EHBP1: variants seen among roughly 807,000 people sequenced by gnomAD.
EHBP1 encodes the protein EH domain binding protein 1, also known as EH domain-binding protein 1.
A neutral mutation model predicts 144.0 loss-of-function variants in EHBP1; 55 were observed. The ratio of observed to expected loss-of-function variants is 0.38; its 90% CI spans 0.31 to 0.48. EHBP1 has a LOEUF of 0.48. Ranked by LOEUF, EHBP1 falls within the 20% of genes least tolerant of loss-of-function variation. The pLI is 0.98. For synonymous variants in EHBP1, 469 were observed against 472.7 expected (o/e 0.99, Z 0.10); for missense variants, 1,200 against 1,364.2 (o/e 0.88, Z 1.90).
At chr2:62,842,462 C>T (rs1273172682) in intron 7 of EHBP1, among the ~76,000 whole-genome samples, 3 of 152,196 alleles carry the variant, frequency 2.0e-5, no homozygotes, top group Admixed American at 6.5e-5. Context: ...TCCGTAAGCT[C>T]CACCTCCTAA....
intron 1 of EHBP1, among the ~76,000 whole-genome samples, chr2:62,698,021 C>G (rs552880919): frequency 1.3e-5 from 2 of 152,240 alleles, no homozygotes; most frequent in South Asian, 2.1e-4. Context: ...TTATCACTGA[C>G]AAGTCACTGC....
intron 10 of EHBP1, among the ~76,000 whole-genome samples, chr2:62,899,314 C>G (rs1451561352): frequency 6.6e-6 from 1 of 152,084 alleles, no homozygotes; most frequent in Non-Finnish European, 1.5e-5. Flanking sequence ...TGTTAAGGCC[C>G]ATGTGGAGAA....
chr2:62,937,006 T>G (rs2056429890), intron 10 of EHBP1, among the ~76,000 whole-genome samples: 1 of 152,230 alleles, frequency 6.6e-6, no homozygotes, highest in African/African-American at 2.4e-5. Context: ...TAATTAGCTC[T>G]TGTTCTAGTT....
intron 3 of EHBP1, among the ~76,000 whole-genome samples, chr2:62,763,007 C>T (rs1017629504): frequency 2.0e-5 from 3 of 152,094 alleles, no homozygotes; most frequent in East Asian, 1.9e-4. Flanking sequence ...CACTCTGTTC[C>T]AGCCACATTG....
chr2:62,938,948 A>G (rs2056568958), intron 10 of EHBP1, among the ~76,000 whole-genome samples: 1 of 152,212 alleles, frequency 6.6e-6, no homozygotes, highest in Non-Finnish European at 1.5e-5. Context: ...AATAATTGCA[A>G]TTAATATTTA....
chr2:62,879,029 A>T (rs775946475), intron 10 of EHBP1, among the ~76,000 whole-genome samples: 1 of 152,064 alleles, frequency 6.6e-6, no homozygotes, highest in Admixed American at 6.6e-5. Flanking sequence ...AAAAAAAAAA[A>T]AACAAAAAAC....
At chr2:62,938,748 T>C (rs1297730420) in intron 10 of EHBP1, among the ~76,000 whole-genome samples, 1 of 152,076 alleles carries the variant, frequency 6.6e-6, no homozygotes, top group Non-Finnish European at 1.5e-5. Flanking sequence ...GTACCATATT[T>C]TCCACATAGA....
At chr2:62,888,563 T>G (rs1368561396) in intron 10 of EHBP1, among the ~76,000 whole-genome samples, 2 of 152,152 alleles carry the variant, frequency 1.3e-5, no homozygotes, top group South Asian at 2.1e-4. Context: ...TGCCTCCACA[T>G]GGGAAAACAA....
rs186300550 is a variant in EHBP1, at chr2:62,977,909, C to T, written c.2461-1279C>T. 3.3e-5 allele frequency among the ~76,000 whole-genome samples: 5 copies of T among 152,124 alleles called. No individual in the cohort carries two copies. The East Asian group carries it at 9.7e-4, about 29-fold the overall frequency. On this transcript the variant is annotated intron_variant, in intron 14 of 22. Transcript: ENST00000431489. ...GAGGTTTGGTGGATTTAAACTGAAT[C>T]TGGAAGAATGAGTAGAAATTAAATA...
intron 10 of EHBP1, among the ~76,000 whole-genome samples, chr2:62,937,603 G>A (rs997792961): frequency 5.3e-5 from 8 of 152,144 alleles, no homozygotes; most frequent in South Asian, 2.1e-4. Flanking sequence ...AGGAGATTTC[G>A]TGTAAGAGAT....
At chr2:62,861,326 C>T (rs1233113132) in intron 8 of EHBP1, among the ~76,000 whole-genome samples, 11 of 151,324 alleles carry the variant, frequency 7.3e-5, no homozygotes, top group African/African-American at 2.7e-4. Flanking sequence ...GATGAGGTTT[C>T]GCCATGTCGG....
chr2:62,909,532 G>C lies in EHBP1; in HGVS notation c.1186-33186G>C, dbSNP rs1419414474. Among the ~76,000 whole-genome samples, 5 of 152,230 alleles carry C rather than the reference G, an allele frequency of 3.3e-5. No individual in the cohort carries two copies. In the East Asian group the frequency reaches 5.8e-4, roughly 18 times the overall value. Reference sequence around the variant, plus strand: ...TGTCAGAATATGCTGAAAGACTTAAGACCAGAAAGTGAGCAGAAGTTTTAC... The same window carrying C: ...TGTCAGAATATGCTGAAAGACTTAACACCAGAAAGTGAGCAGAAGTTTTAC... On this transcript the variant is annotated intron_variant, in intron 10 of 22. Transcript: ENST00000431489.
chr2:62,835,638 C>A (rs2047161517), intron 7 of EHBP1, among the ~76,000 whole-genome samples: 1 of 152,080 alleles, frequency 6.6e-6, no homozygotes, highest in Non-Finnish European at 1.5e-5. Flanking sequence ...GGTGCGCGCA[C>A]CGTGCGCGAG....
At chr2:62,840,795 A>C (rs1434802326) in intron 7 of EHBP1, among the ~76,000 whole-genome samples, 1 of 151,836 alleles carries the variant, frequency 6.6e-6, no homozygotes, top group Non-Finnish European at 1.5e-5. Flanking sequence ...ATGAGATATC[A>C]TCTCACACCA....
At chr2:63,021,017 C>G (rs1210972265) in intron 19 of EHBP1, among the ~76,000 whole-genome samples, 1 of 105,422 alleles carries the variant, frequency 9.5e-6, no homozygotes, top group African/African-American at 3.7e-5. Flanking sequence ...GAGACAAGGT[C>G]TCTCTATGTT....
intron 19 of EHBP1, among the ~76,000 whole-genome samples, chr2:63,012,951 T>A (rs1452926699): frequency 1.3e-5 from 2 of 151,962 alleles, no homozygotes; most frequent in Non-Finnish European, 2.9e-5. Flanking sequence ...CTCTTCAAAG[T>A]GAGTCTTATG....
intron 1 of EHBP1, among the ~76,000 whole-genome samples, chr2:62,690,466 A>T (rs1174511579): frequency 6.6e-6 from 1 of 151,960 alleles, no homozygotes; most frequent in Non-Finnish European, 1.5e-5. Context: ...GGAGGCTGAG[A>T]CAGGGAGAAT....
intron 7 of EHBP1, among the ~76,000 whole-genome samples, chr2:62,845,988 G>T (rs985255653): frequency 2.0e-5 from 3 of 152,080 alleles, no homozygotes; most frequent in African/African-American, 7.2e-5. Context: ...ATTTTTAAAG[G>T]AGTTTGAAAC....
At chr2:62,741,380 T>C (rs1216215614) in intron 2 of EHBP1, among the ~76,000 whole-genome samples, 2 of 152,178 alleles carry the variant, frequency 1.3e-5, no homozygotes, top group African/African-American at 4.8e-5. Context: ...ACTGTTCTGC[T>C]AAAAGTTATT....
Sources: gnomAD v4.1 joint callset for allele counts (sites outside exome capture counted in the v4.1 genomes callset) on GRCh38, gnomAD v4.1.1 for gene constraint, MANE v1.5 for transcripts, NCBI Gene and HGNC (gene_info 2026-07-23, HGNC 2026-07-21) for gene names.